Variants in KIAA1549L observed in about 807,000 individuals in gnomAD.
The protein encoded by KIAA1549L is KIAA1549 like.
Under a neutral mutation model 160.7 loss-of-function variants are expected in KIAA1549L, and 88 were observed. That is an observed-to-expected ratio of 0.55 (90% CI 0.46 to 0.65). The LOEUF (loss-of-function observed/expected upper bound fraction) is 0.65, where lower values mean the gene tolerates loss of function less well. Among genes scored for constraint, KIAA1549L ranks in the 30% least tolerant of loss-of-function variants. The pLI, the probability that KIAA1549L is intolerant of heterozygous loss-of-function variation, is 0.00. For missense variants in KIAA1549L, 2,258 were observed against 2,437.5 expected (o/e 0.93, Z 1.55); for synonymous variants, 950 against 976.7 (o/e 0.97, Z 0.51).
At chr11:33,652,701 T>C (rs1851932961) in intron 17 of KIAA1549L, among the ~76,000 whole-genome samples, 1 of 152,178 alleles carries the variant, frequency 6.6e-6, no homozygotes, top group African/African-American at 2.4e-5. Context: ...TTTGTCTATT[T>C]TGGGAAAGAA....
chr11:33,509,414 T>C (rs1853173129), intron 1 of KIAA1549L, among the ~76,000 whole-genome samples: 1 of 152,208 alleles, frequency 6.6e-6, no homozygotes, highest in African/African-American at 2.4e-5. Context: ...ACCATATCAC[T>C]TAACATTTGG....
intron 1 of KIAA1549L, among the ~76,000 whole-genome samples, chr11:33,517,651 G>A (rs2615934): frequency 0.65 from 98,997 of 152,006 alleles, 32,366 homozygotes; most frequent in Middle Eastern, 0.7. Context: ...TAATAAAAGC[G>A]AGGACATAAA....
intron 9 of KIAA1549L, among the ~76,000 whole-genome samples, chr11:33,572,399 G>T (rs1355600600): frequency 1.3e-5 from 2 of 152,076 alleles, no homozygotes; most frequent in Non-Finnish European, 2.9e-5. Context: ...CACTATCTAG[G>T]TTCTACAATT....
At chr11:33,476,265 C>T (rs1004861340) in intron 1 of KIAA1549L, among the ~76,000 whole-genome samples, 1 of 151,986 alleles carries the variant, frequency 6.6e-6, no homozygotes, top group East Asian at 1.9e-4. Flanking sequence ...AATAAGACAT[C>T]GAGATGAATG....
At chr11:33,624,736 T>G (rs1431615318) in intron 16 of KIAA1549L, among the ~76,000 whole-genome samples, 2 of 151,504 alleles carry the variant, frequency 1.3e-5, no homozygotes, top group Admixed American at 1.3e-4. Context: ...GATTTTCTTT[T>G]TTTTTTTTTT....
intron 1 of KIAA1549L, among the ~76,000 whole-genome samples, chr11:33,384,937 GTTTTTTGT>G (rs982571246): frequency 4.4e-5 from 5 of 114,620 alleles, no homozygotes; most frequent in African/African-American, 9.1e-5. Context: ...CGTTTTTTTT[GTTTTTTGT>G]TTTTTTTTTT....
chr11:33,396,832 C>A (rs1297862954), intron 1 of KIAA1549L, among the ~76,000 whole-genome samples: 1 of 151,814 alleles, frequency 6.6e-6, no homozygotes, highest in East Asian at 1.9e-4. Flanking sequence ...CACCTGTAGT[C>A]CCAGCTACTT....
rs559366960 is a variant in KIAA1549L at position 33,611,087 on chromosome 11, C to T, written c.5279+1121C>T. On this transcript the variant is annotated intron_variant, in intron 15 of 20. Coordinates refer to ENST00000658780, the MANE Select transcript of KIAA1549L (RefSeq NM_012194.3). ...GGCTGCAGCCTTCCAAGCTTTGTTG[C>T]TGACTAAGCAGAGTGATTTCACATG... Among the ~76,000 whole-genome samples the T allele has an allele frequency of 3.3e-5, 5 of 152,356 alleles. No homozygotes were observed. The East Asian group carries it at 5.8e-4, about 18-fold the overall frequency.
At chr11:33,514,878 G>C (rs959007085) in intron 1 of KIAA1549L, among the ~76,000 whole-genome samples, 1 of 152,202 alleles carries the variant, frequency 6.6e-6, no homozygotes, top group Non-Finnish European at 1.5e-5. Context: ...AGTCATCAGA[G>C]TAGATTCTAA....
intron 12 of KIAA1549L, among the ~76,000 whole-genome samples, chr11:33,595,934 C>T (rs1850187043): frequency 6.6e-6 from 1 of 152,144 alleles, no homozygotes; most frequent in Non-Finnish European, 1.5e-5. Context: ...GCGTCCTTTT[C>T]CTCCAGTGTA....
chr11:33,601,183 G>A (rs1331461156), intron 13 of KIAA1549L, among the ~76,000 whole-genome samples: 1 of 152,120 alleles, frequency 6.6e-6, no homozygotes, highest in Non-Finnish European at 1.5e-5. Flanking sequence ...TGCTTGCTTG[G>A]TTGCACTTTA....
intron 1 of KIAA1549L, among the ~76,000 whole-genome samples, chr11:33,455,761 A>G (rs1247705079): frequency 1.3e-5 from 2 of 152,204 alleles, no homozygotes; most frequent in African/African-American, 4.8e-5. Context: ...TCACAAGGCT[A>G]TTGGTTAATT....
At position 33,629,749 on chromosome 11, in the gene KIAA1549L, C is replaced by T. The variant is rs1333852219; in HGVS notation, c.5409+11087C>T. 8.0e-4 allele frequency among the ~76,000 whole-genome samples: 121 copies of T among 150,640 alleles called. 1 individual carries two copies. Among genetic ancestry groups the T allele is most frequent in the Non-Finnish European group, 1.1e-3 (78 of 67,972 alleles). On this transcript the variant is annotated intron_variant, in intron 16 of 20. Coordinates refer to ENST00000658780, the MANE Select transcript of KIAA1549L (RefSeq NM_012194.3). ...TTGGTTCGAATGTCCTCCCGTAGCT[C>T]GGAGTAATTTGATCGTCTGAAGCCT...
At chr11:33,642,375 C>A (rs1851609510) in intron 16 of KIAA1549L, among the ~76,000 whole-genome samples, 1 of 152,160 alleles carries the variant, frequency 6.6e-6, no homozygotes. Flanking sequence ...GTAAAATTTT[C>A]TTTTCAATTC....
intron 13 of KIAA1549L, among the ~76,000 whole-genome samples, chr11:33,605,713 T>C (rs1011843593): frequency 6.6e-6 from 1 of 152,214 alleles, no homozygotes; most frequent in Non-Finnish European, 1.5e-5. Context: ...TGCTATTACA[T>C]TCATATTTTA....
intron 16 of KIAA1549L, among the ~76,000 whole-genome samples, chr11:33,641,627 T>G (rs1851588334): frequency 1.6e-5 from 1 of 61,090 alleles, no homozygotes; most frequent in Non-Finnish European, 2.9e-5. Flanking sequence ...TATATATATA[T>G]ATATATACAC....
chr11:33,628,741 T>C (rs1851189547), intron 16 of KIAA1549L, among the ~76,000 whole-genome samples: 1 of 150,996 alleles, frequency 6.6e-6, no homozygotes, highest in Admixed American at 6.6e-5. Flanking sequence ...CTTTATCCAA[T>C]TTGCCAGTCT....
chr11:33,637,317 C>T (rs566179489), intron 16 of KIAA1549L, among the ~76,000 whole-genome samples: 3 of 152,360 alleles, frequency 2.0e-5, no homozygotes, highest in Admixed American at 6.5e-5. Context: ...GCCTAGGTTA[C>T]GGCCAGAGCC....
At chr11:33,456,202 C>T (rs768320511) in intron 1 of KIAA1549L, among the ~76,000 whole-genome samples, 1 of 152,160 alleles carries the variant, frequency 6.6e-6, no homozygotes, top group Non-Finnish European at 1.5e-5. Flanking sequence ...ATGACTTTCT[C>T]AGTCTTACAG....
Sources: gnomAD v4.1 joint callset for allele counts (sites outside exome capture counted in the v4.1 genomes callset) on GRCh38, gnomAD v4.1.1 for gene constraint, MANE v1.5 for transcripts, NCBI Gene and HGNC (gene_info 2026-07-23, HGNC 2026-07-21) for gene names.